FAM184A: variants seen among roughly 807,000 people sequenced by gnomAD.
FAM184A encodes the protein family with sequence similarity 184 member A.
Under a neutral mutation model 143.8 loss-of-function variants are expected in FAM184A, and 99 were observed. The ratio of observed to expected loss-of-function variants is 0.69; its 90% CI spans 0.58 to 0.81. The LOEUF (loss-of-function observed/expected upper bound fraction) is 0.81. Among genes scored for constraint, FAM184A ranks in the 40% least tolerant of loss-of-function variants. The pLI is 0.00. For synonymous variants in FAM184A, 427 were observed against 446.4 expected (o/e 0.96, Z 0.55); for missense variants, 1,217 against 1,310.5 (o/e 0.93, Z 1.10).
At chr6:119,139,870 T>A (rs1772159224) in intron 1 of FAM184A, among the ~76,000 whole-genome samples, 1 of 152,158 alleles carries the variant, frequency 6.6e-6, no homozygotes, top group South Asian at 2.1e-4. Context: ...AACTGCCAAT[T>A]CAATCACAGC....
At chr6:118,989,383 T>C (rs1784293795) in intron 9 of FAM184A, among the ~76,000 whole-genome samples, 1 of 151,206 alleles carries the variant, frequency 6.6e-6, no homozygotes, top group African/African-American at 2.4e-5. Flanking sequence ...CTTCCAAAAA[T>C]ACAAAATAAT....
chr6:119,020,417 TG>T (rs113880343), intron 3 of FAM184A, among the ~76,000 whole-genome samples: 14 of 151,900 alleles, frequency 9.2e-5, no homozygotes, highest in African/African-American at 1.9e-4. Context: ...ACCGTTTTAC[TG>T]GTTTTTTTTG....
rs765745292 is a variant in FAM184A, at chr6:119,023,960, T to A, written c.1013A>T (p.Gln338Leu). 1.3e-6 allele frequency: 2 copies of A among 1,566,448 alleles called. No individual in the cohort carries two copies. Among genetic ancestry groups the A allele is most frequent in the Non-Finnish European group, 1.7e-6 (2 of 1,164,128 alleles). Residue 338 changes from glutamine to leucine, a missense_variant and splice_region_variant, in exon 2 of 18, where the codon CAG (glutamine) becomes CTG (leucine). Gln to Leu is a moderately radical substitution (Grantham distance 113). Coordinates refer to ENST00000338891, the MANE Select transcript of FAM184A (RefSeq NM_024581.6). ...TALAIAENNV[Q>L]VLQKQLDDAK... The stretch of plus-strand genomic sequence containing the variant: ...TTGAATATAATATTCTTTACTTACC[T>A]GAACATTGTTCTCTGCTATGGCAAG...
upstream of FAM184A, among the ~76,000 whole-genome samples, chr6:119,083,236 C>T (rs1273977826): frequency 6.6e-6 from 1 of 152,230 alleles, no homozygotes; most frequent in Non-Finnish European, 1.5e-5. Context: ...TCCTAGGCCT[C>T]TGGGCCTGTG....
chr6:119,006,563 C>T lies in FAM184A; in HGVS notation c.1699G>A (p.Gly567Ser). 1 of 1,613,798 alleles carries T rather than the reference C, an allele frequency of 6.2e-7. No individual in the cohort carries two copies. The highest frequency in any genetic ancestry group is 8.5e-7 in the Non-Finnish European group (1 of 1,179,864). Residue 567 changes from glycine to serine, a missense_variant, in exon 7 of 18, where the codon GGC becomes AGC. Gly to Ser is a moderately conservative substitution (Grantham distance 56, BLOSUM62 0). Transcript: ENST00000338891. The part of the protein sequence containing the change: ...DMVRKSEQGL[G>S]SAEGLIASLQ... ...CTAGCAATAAGTCCTTCTGCAGAGCCAAGACCTTGTTCACTTTTCCTTACC... is the reference window on the plus strand; with the variant it reads ...CTAGCAATAAGTCCTTCTGCAGAGCTAAGACCTTGTTCACTTTTCCTTACC...
chr6:119,088,718 A>C (rs1788291790), intron 1 of FAM184A, among the ~76,000 whole-genome samples: 1 of 152,204 alleles, frequency 6.6e-6, no homozygotes, highest in Admixed American at 6.5e-5. Context: ...ACTCAATCTA[A>C]GGCCATAGAG....
At position 119,020,041 on chromosome 6, in the gene FAM184A, A is replaced by T; in HGVS notation, c.1269T>A (p.Phe423Leu). The change falls in exon 4 of 18, where the codon TTT becomes TTA. Residue 423 changes from phenylalanine to leucine, a missense_variant. Transcript: ENST00000338891. The stretch of plus-strand genomic sequence containing the variant: ...CCAGACTTTGGGTTTTGCTTCGCAA[A>T]AAAGCTCTTTCCTCTTCAAGTTGAG... ...RLSQLEEERAFLRSKTQSLDE... is the reference protein window; with the variant it reads ...RLSQLEEERALLRSKTQSLDE... The T allele has an allele frequency of 6.2e-7, 1 of 1,606,088 alleles. No homozygotes were observed. The highest frequency in any genetic ancestry group is 2.3e-5 in the East Asian group (1 of 44,330).
chr6:119,071,111 C>T (rs1279520470), intron 1 of FAM184A, among the ~76,000 whole-genome samples: 7 of 152,124 alleles, frequency 4.6e-5, no homozygotes, highest in Non-Finnish European at 1.0e-4. Context: ...GTATAGGGAA[C>T]TTATTAATTA....
At chr6:118,969,522 T>A (rs1448062130) in intron 14 of FAM184A, among the ~76,000 whole-genome samples, 2 of 152,212 alleles carry the variant, frequency 1.3e-5, no homozygotes, top group Non-Finnish European at 2.9e-5. Context: ...AAAGAAAACT[T>A]GATACTATTC....
At chr6:119,114,909 C>A (rs1789018087) in intron 1 of FAM184A, among the ~76,000 whole-genome samples, 1 of 152,212 alleles carries the variant, frequency 6.6e-6, no homozygotes, top group Admixed American at 6.5e-5. Context: ...GGCTGGAGTG[C>A]AGTGGCACAA....
At chr6:119,029,352 A>C (rs1315960253) in intron 1 of FAM184A, among the ~76,000 whole-genome samples, 3 of 152,246 alleles carry the variant, frequency 2.0e-5, no homozygotes, top group Non-Finnish European at 2.9e-5. Context: ...TTATTGAAAT[A>C]ATCTTCTCTT....
upstream of FAM184A, among the ~76,000 whole-genome samples, chr6:119,079,778 T>C (rs1788005972): frequency 6.6e-6 from 1 of 152,204 alleles, no homozygotes; most frequent in South Asian, 2.1e-4. Context: ...ATTGTCTGGA[T>C]GTGACAACAT....
intron 1 of FAM184A, among the ~76,000 whole-genome samples, chr6:119,112,656 A>G (rs1788963463): frequency 1.3e-5 from 2 of 152,184 alleles, no homozygotes; most frequent in African/African-American, 4.8e-5. Context: ...TACCCTGAAG[A>G]GTGGCCACAG....
chr6:119,045,907 A>C (rs1288274600), intron 1 of FAM184A, among the ~76,000 whole-genome samples: 27 of 152,146 alleles, frequency 1.8e-4, no homozygotes, highest in Admixed American at 1.7e-3. Context: ...ATCTCCCTGG[A>C]ATGTCCTCCT....
rs141158974 is a variant in FAM184A at position 119,016,854 on chromosome 6, A to G, written c.1423T>C (p.Leu475=). 2.5e-4 allele frequency: 397 copies of G among 1,614,040 alleles called. No homozygotes were observed. The African/African-American group carries it at 4.5e-3, about 18-fold the overall frequency. ...AAAGTCTTAGAATGGGCCTCGTTTAATTGAGTCACCTCCTCTTCCAATCTA... is the reference window on the plus strand; with the variant it reads ...AAAGTCTTAGAATGGGCCTCGTTTAGTTGAGTCACCTCCTCTTCCAATCTA... ...QSRLEEEVTQ[L]NEAHSKTLEE... Residue 475 remains leucine (L), a synonymous_variant, in exon 5 of 18, where the codon TTA becomes CTA. Transcript: ENST00000338891.
rs78283483 is a variant in FAM184A, at chr6:119,126,987, C to T, written c.-202+22091G>A. On this transcript the variant is annotated intron_variant, in intron 1 of 16. Transcript: ENST00000352896. ...TCTCCCCGATGTCCAGCTGTTTCTT[C>T]TCCTCTCAATGTTCAGCTGTTTCCT... Among the ~76,000 whole-genome samples the T allele has an allele frequency of 6.1e-3, 929 of 152,312 alleles. 5 individuals are homozygous for T. Among genetic ancestry groups the T allele is most frequent in the South Asian group, 0.013 (61 of 4,822 alleles).
chr6:119,098,226 C>T (rs1031494086), intron 1 of FAM184A, among the ~76,000 whole-genome samples: 3 of 152,170 alleles, frequency 2.0e-5, no homozygotes, highest in Non-Finnish European at 2.9e-5. Flanking sequence ...TCTTGGCTGC[C>T]ACCAGGTAAG....
chr6:119,111,030 G>A (rs1232112431), intron 1 of FAM184A, among the ~76,000 whole-genome samples: 1 of 152,104 alleles, frequency 6.6e-6, no homozygotes, highest in Admixed American at 6.6e-5. Flanking sequence ...CGTCATTGCT[G>A]CAGCCTTATG....
chr6:118,964,425 G>GA (rs1379628049), intron 16 of FAM184A, among the ~76,000 whole-genome samples: 2 of 151,280 alleles, frequency 1.3e-5, no homozygotes, highest in African/African-American at 4.8e-5. Flanking sequence ...TCAGAAATAT[G>GA]AAAAAAAGGT....
Sources: gnomAD v4.1 joint callset for allele counts (sites outside exome capture counted in the v4.1 genomes callset) on GRCh38, gnomAD v4.1.1 for gene constraint, MANE v1.5 for transcripts, NCBI Gene and HGNC (gene_info 2026-07-23, HGNC 2026-07-21) for gene names.